Variants in RTTN observed in about 807,000 individuals in gnomAD.
RTTN encodes rotatin.
A neutral mutation model predicts 269.2 loss-of-function variants in RTTN; 182 were observed. The observed-to-expected ratio is 0.68, with a 90% confidence interval of 0.60 to 0.76. The LOEUF (loss-of-function observed/expected upper bound fraction) is 0.76, where lower values mean the gene tolerates loss of function less well. RTTN is among the 30% of genes least tolerant of loss of function. RTTN has a pLI of 0.00. For missense variants in RTTN, 2,545 were observed against 2,608.6 expected (o/e 0.98, Z 0.53); for synonymous variants, 1,006 against 963.5 (o/e 1.04, Z -0.82).
Position 70,190,649 on chromosome 18 carries a change from C to G in RTTN, c.1078G>C (p.Asp360His). 6.2e-7 allele frequency: 1 copy of G among 1,613,642 alleles called. No individual in the cohort carries two copies. The highest frequency in any genetic ancestry group is 8.5e-7 in the Non-Finnish European group (1 of 1,179,554). The change falls in exon 9 of 49, where the codon GAT becomes CAT. Residue 360 changes from aspartate to histidine, a missense_variant. Physicochemically the swap from Asp to His is moderately conservative, Grantham distance 81. Coordinates refer to ENST00000640769, the MANE Select transcript of RTTN (RefSeq NM_173630.4). ...VHSPLDMGHI[D>H]LPELETEDTL... The stretch of plus-strand genomic sequence containing the variant: ...TCTTCAGTTTCCAGCTCTGGCAGAT[C>G]TATGTGTCCCATATCCAAAGGTGAA...
intron 11 of RTTN, 83 bp downstream of exon 11, chr18:70,176,592 T>C: frequency 1.5e-6 from 2 of 1,307,624 alleles, no homozygotes; most frequent in Admixed American, 2.5e-5. Flanking sequence ...CTTCACACCA[T>C]GAAAAGAGCA....
intron 14 of RTTN, among the ~76,000 whole-genome samples, chr18:70,156,401 C>T (rs551095612): frequency 2.6e-5 from 4 of 152,166 alleles, no homozygotes; most frequent in Admixed American, 1.3e-4. Flanking sequence ...AGACCGGTTG[C>T]TCTCAAACCC....
At chr18:70,197,039 T>C (rs2061826785) in intron 6 of RTTN, among the ~76,000 whole-genome samples, 1 of 152,178 alleles carries the variant, frequency 6.6e-6, no homozygotes, top group Admixed American at 6.5e-5. Context: ...ATTAACAGCT[T>C]TCCTCTGCGA....
chr18:70,190,119 A>G (rs953607543), intron 9 of RTTN, among the ~76,000 whole-genome samples: 2 of 152,178 alleles, frequency 1.3e-5, no homozygotes, highest in African/African-American at 4.8e-5. Flanking sequence ...CAAAAGCCAA[A>G]GATTTTTTTA....
chr18:70,029,408 T>C (rs1361543778), intron 42 of RTTN, among the ~76,000 whole-genome samples: 7 of 152,158 alleles, frequency 4.6e-5, no homozygotes, highest in African/African-American at 1.7e-4. Flanking sequence ...TATATAACTA[T>C]GTTATTTTCA....
intron 42 of RTTN, 33 bp downstream of exon 42, chr18:70,029,979 A>T: frequency 6.8e-7 from 1 of 1,465,088 alleles, no homozygotes; most frequent in East Asian, 2.3e-5. Flanking sequence ...AATGGTCTCT[A>T]TATATAGCCA....
At chr18:70,142,829 CA>C (rs1258051411) in intron 18 of RTTN, among the ~76,000 whole-genome samples, 1 of 152,014 alleles carries the variant, frequency 6.6e-6, no homozygotes, top group African/African-American at 2.4e-5. Context: ...ACTAGAAACA[CA>C]AAAGGCCAAC....
intron 39 of RTTN, 63 bp downstream of exon 39, chr18:70,051,348 G>A: frequency 6.6e-7 from 1 of 1,514,598 alleles, no homozygotes. Flanking sequence ...TACCTAAACA[G>A]GCAGAATCAT....
intron 34 of RTTN, among the ~76,000 whole-genome samples, chr18:70,072,706 G>A (rs1052591782): frequency 6.6e-6 from 1 of 152,122 alleles, no homozygotes; most frequent in Non-Finnish European, 1.5e-5. Context: ...TTCAAGGCTA[G>A]TCTATAGCCC....
intron 11 of RTTN, among the ~76,000 whole-genome samples, chr18:70,176,221 GTA>G (rs1289194393): frequency 6.9e-6 from 1 of 145,212 alleles, no homozygotes; most frequent in African/African-American, 2.8e-5. Flanking sequence ...ATATGTATAT[GTA>G]TATGTATATG....
intron 45 of RTTN, 24 bp from the exon 46 acceptor site, chr18:70,017,698 T>G: frequency 6.4e-7 from 1 of 1,570,956 alleles, no homozygotes; most frequent in East Asian, 2.2e-5. Context: ...GAGAGAATAT[T>G]ATTTTCTTCT....
intron 34 of RTTN, among the ~76,000 whole-genome samples, chr18:70,069,065 A>G (rs1000265377): frequency 6.6e-6 from 1 of 152,114 alleles, no homozygotes; most frequent in African/African-American, 2.4e-5. Context: ...TTCAGATAAG[A>G]TGAGTATGTT....
At chr18:70,102,728 T>C (rs535667179) in intron 28 of RTTN, among the ~76,000 whole-genome samples, 2 of 152,322 alleles carry the variant, frequency 1.3e-5, no homozygotes, top group East Asian at 3.9e-4. Flanking sequence ...CCTTTCCATG[T>C]TTAGTGATTC....
At position 70,021,701 on chromosome 18, in the gene RTTN, G is replaced by A. The variant is rs550125405; in HGVS notation, c.5951-884C>T. Among the ~76,000 whole-genome samples, 52 of 152,332 alleles carry A rather than the reference G, an allele frequency of 3.4e-4. 2 individuals are homozygous for A. The South Asian group carries it at 0.01, about 30-fold the overall frequency. ...CACATATGCTTCAATGACAGTTCAA[G>A]TTCAAGAGCTTGAAGGTCTGTTTAT... On this transcript the variant is annotated intron_variant, in intron 44 of 48. Coordinates refer to ENST00000640769, the MANE Select transcript of RTTN (RefSeq NM_173630.4).
At chr18:70,113,228 C>G (rs1265512599) in intron 27 of RTTN, among the ~76,000 whole-genome samples, 1 of 151,490 alleles carries the variant, frequency 6.6e-6, no homozygotes, top group Non-Finnish European at 1.5e-5. Flanking sequence ...CACACTGATA[C>G]TAAATCCTCA....
chr18:70,186,059 A>T (rs550055494), intron 10 of RTTN, among the ~76,000 whole-genome samples: 10 of 150,458 alleles, frequency 6.6e-5, no homozygotes, highest in African/African-American at 2.5e-4. Context: ...TTGCACATCT[A>T]TCAGAATGCC....
rs751589029 is a variant in RTTN, at chr18:70,109,765, G to A, written c.3684-48C>T. 6.3e-6 allele frequency: 9 copies of A among 1,428,368 alleles called. No individual in the cohort carries two copies. The South Asian group carries it at 9.3e-5, about 15-fold the overall frequency. The allele number at this position is 1,428,368 out of a possible 1,614,324, so 88.5% of individuals were successfully genotyped here. A position where few individuals can be genotyped will look rare whatever the true frequency, so the allele number is the denominator to read the frequency against. ...ATCAACCACCAAGAAAGTATAATGG[G>A]CTTAATGGGCTATCTTACTGGCTAT... is the stretch of plus-strand genomic sequence containing the variant. On this transcript the variant is annotated intron_variant, in intron 27 of 48. Transcript: ENST00000640769.
intron 35 of RTTN, among the ~76,000 whole-genome samples, chr18:70,063,426 C>T (rs921818351): frequency 1.3e-5 from 2 of 151,980 alleles, no homozygotes; most frequent in African/African-American, 4.8e-5. Flanking sequence ...GTTCTTTTCC[C>T]CTCAAATATT....
chr18:70,094,984 T>A (rs2058959622), intron 28 of RTTN, among the ~76,000 whole-genome samples: 1 of 152,152 alleles, frequency 6.6e-6, no homozygotes, highest in African/African-American at 2.4e-5. Flanking sequence ...ATCTGGGTGC[T>A]CCTGTATTGG....
Sources: allele counts gnomAD v4.1 joint callset (sites outside exome capture counted in the v4.1 genomes callset), GRCh38; gene constraint gnomAD v4.1.1; transcripts MANE v1.5; gene names NCBI Gene and HGNC (gene_info 2026-07-23, HGNC 2026-07-21).